TAFA1: variants seen among roughly 807,000 people sequenced by gnomAD.
TAFA1 encodes chemokine-like protein TAFA-1.
Under a neutral mutation model 18.5 loss-of-function variants are expected in TAFA1, and 4 were observed. The ratio of observed to expected loss-of-function variants is 0.22; its 90% CI spans 0.11 to 0.49. TAFA1 has a LOEUF of 0.49. Ranked by LOEUF, TAFA1 falls within the 20% of genes least tolerant of loss-of-function variation. The pLI is 0.98. For synonymous variants in TAFA1, 56 were observed against 55.2 expected (o/e 1.01, Z -0.06); for missense variants, 147 against 169.0 (o/e 0.87, Z 0.72).
intron 2 of TAFA1, among the ~76,000 whole-genome samples, chr3:68,295,841 C>A (rs1465214473): frequency 6.6e-6 from 1 of 152,100 alleles, no homozygotes; most frequent in Admixed American, 6.5e-5. Flanking sequence ...AACTCCTGGC[C>A]TCAAGTGATC....
At chr3:68,366,377 G>A (rs2069573562) in intron 2 of TAFA1, among the ~76,000 whole-genome samples, 1 of 152,164 alleles carries the variant, frequency 6.6e-6, no homozygotes, top group South Asian at 2.1e-4. Flanking sequence ...TTGACTTTCA[G>A]AAAGAACAGA....
intron 2 of TAFA1, among the ~76,000 whole-genome samples, chr3:68,084,402 T>C (rs2064945201): frequency 6.6e-6 from 1 of 152,202 alleles, no homozygotes. Flanking sequence ...GCCTTTCTTA[T>C]ATTATACCTT....
intron 2 of TAFA1, among the ~76,000 whole-genome samples, chr3:68,237,609 T>G (rs2107129344): frequency 6.6e-6 from 1 of 152,310 alleles, no homozygotes; most frequent in South Asian, 2.1e-4. Flanking sequence ...GGAGGCAGAT[T>G]ATCTCAAAGT....
intron 3 of TAFA1, among the ~76,000 whole-genome samples, chr3:68,457,621 A>G (rs543324003): frequency 6.6e-6 from 1 of 152,310 alleles, no homozygotes; most frequent in East Asian, 1.9e-4. Context: ...TATATGCATT[A>G]CCTCACATAT....
intron 2 of TAFA1, among the ~76,000 whole-genome samples, chr3:68,070,980 T>C (rs185353423): frequency 2.1e-3 from 326 of 152,324 alleles, no homozygotes; most frequent in African/African-American, 7.6e-3. Flanking sequence ...CCCCACATTT[T>C]CTTGTCTTCT....
At chr3:68,489,991 GAAACA>G (rs2072419958) in intron 3 of TAFA1, among the ~76,000 whole-genome samples, 1 of 152,138 alleles carries the variant, frequency 6.6e-6, no homozygotes, top group Middle Eastern at 3.4e-3. Context: ...ACCCTTTTGT[GAAACA>G]AAACAAAATA....
intron 2 of TAFA1, among the ~76,000 whole-genome samples, chr3:68,403,590 C>A (rs2070538223): frequency 6.6e-6 from 1 of 152,194 alleles, no homozygotes; most frequent in Admixed American, 6.5e-5. Context: ...CACACAAATT[C>A]AAGTTTCAAT....
intron 2 of TAFA1, among the ~76,000 whole-genome samples, chr3:68,179,287 TC>T (rs1272339467): frequency 6.6e-6 from 1 of 152,226 alleles, no homozygotes; most frequent in African/African-American, 2.4e-5. Context: ...TTGATTTCTT[TC>T]CTCTGTATGT....
At chr3:68,329,618 T>G (rs969865713) in intron 2 of TAFA1, among the ~76,000 whole-genome samples, 20 of 152,222 alleles carry the variant, frequency 1.3e-4, no homozygotes, top group Non-Finnish European at 2.8e-4. Flanking sequence ...TGCTTTGTTT[T>G]AATGCCCACA....
chr3:68,527,199 G>T (rs1420533324), intron 3 of TAFA1, among the ~76,000 whole-genome samples: 1 of 152,172 alleles, frequency 6.6e-6, no homozygotes, highest in Non-Finnish European at 1.5e-5. Context: ...CAGGGATAAA[G>T]TTACCACAGA....
At chr3:68,507,858 G>A (rs1032854480) in intron 3 of TAFA1, among the ~76,000 whole-genome samples, 4 of 152,076 alleles carry the variant, frequency 2.6e-5, no homozygotes, top group African/African-American at 9.7e-5. Flanking sequence ...AAAGTGTTTT[G>A]ACCTCACAAG....
chr3:68,105,033 G>T (rs576378514), intron 2 of TAFA1, among the ~76,000 whole-genome samples: 1 of 152,242 alleles, frequency 6.6e-6, no homozygotes, highest in East Asian at 1.9e-4. Flanking sequence ...AGCAAAGGGA[G>T]ATCTGATGTA....
At chr3:68,099,767 T>C (rs773557611) in intron 2 of TAFA1, among the ~76,000 whole-genome samples, 3 of 152,042 alleles carry the variant, frequency 2.0e-5, no homozygotes, top group Non-Finnish European at 4.4e-5. Flanking sequence ...CAAGAATGGA[T>C]TGGACAAAGA....
At chr3:68,269,612 T>G (rs2067621848) in intron 2 of TAFA1, among the ~76,000 whole-genome samples, 1 of 152,148 alleles carries the variant, frequency 6.6e-6, no homozygotes, top group Non-Finnish European at 1.5e-5. Context: ...TCCACACATT[T>G]CCAGTGGGAT....
At chr3:68,406,929 T>C (rs911208134) in intron 2 of TAFA1, among the ~76,000 whole-genome samples, 1 of 152,210 alleles carries the variant, frequency 6.6e-6, no homozygotes, top group Non-Finnish European at 1.5e-5. Context: ...CTAAAAGTTA[T>C]TTCTGCAGTA....
At chr3:68,257,210 C>T (rs1220642745) in intron 2 of TAFA1, among the ~76,000 whole-genome samples, 1 of 152,094 alleles carries the variant, frequency 6.6e-6, no homozygotes, top group Non-Finnish European at 1.5e-5. Context: ...CCTTAGATCT[C>T]AGCTAAACAT....
At chr3:68,043,494 T>A (rs1234521676) in intron 2 of TAFA1, among the ~76,000 whole-genome samples, 2 of 152,216 alleles carry the variant, frequency 1.3e-5, no homozygotes, top group Non-Finnish European at 2.9e-5. Flanking sequence ...AGTAAAGAAC[T>A]ATGCAAATAG....
At chr3:68,342,686 G>C (rs262211) in intron 2 of TAFA1, among the ~76,000 whole-genome samples, 67,831 of 151,934 alleles carry the variant, frequency 0.45, 15,877 homozygotes, top group East Asian at 0.73. Context: ...CAGTTCTATG[G>C]AGAATAAAAG....
chr3:68,273,676 C>T (rs758049688), intron 2 of TAFA1, among the ~76,000 whole-genome samples: 1 of 152,070 alleles, frequency 6.6e-6, no homozygotes, highest in Non-Finnish European at 1.5e-5. Flanking sequence ...TGTAAATAAA[C>T]AAGAGAATAT....
Sources: gnomAD v4.1 joint callset for allele counts (sites outside exome capture counted in the v4.1 genomes callset) on GRCh38, gnomAD v4.1.1 for gene constraint, MANE v1.5 for transcripts, NCBI Gene and HGNC (gene_info 2026-07-23, HGNC 2026-07-21) for gene names.